The following DNAJC1 variants were observed in gnomAD, a reference collection of about 807,000 sequenced individuals.
DNAJC1 encodes the protein DnaJ heat shock protein family (Hsp40) member C1, also known as dnaJ homolog subfamily C member 1.
DNAJC1 carries 58 observed loss-of-function variants against 76.6 expected under a neutral mutation model. The ratio of observed to expected loss-of-function variants is 0.76; its 90% CI spans 0.61 to 0.94. DNAJC1 has a LOEUF of 0.94. Ranked by LOEUF, DNAJC1 falls within the 40% of genes least tolerant of loss-of-function variation. The pLI is 0.00. For missense variants in DNAJC1, 689 were observed against 677.3 expected, an observed-to-expected ratio of 1.02 and a Z score of -0.19; for synonymous variants, 258 against 267.9, an observed-to-expected ratio of 0.96 and a Z score of 0.36.
chr10:21,897,573 G>T (rs1004574935), intron 7 of DNAJC1, among the ~76,000 whole-genome samples: 1 of 152,180 alleles, frequency 6.6e-6, no homozygotes, highest in Non-Finnish European at 1.5e-5. Flanking sequence ...TGTCAGATCA[G>T]CAGTGGCATT....
chr10:21,856,072 G>C (rs1835828733), intron 8 of DNAJC1, among the ~76,000 whole-genome samples: 1 of 152,146 alleles, frequency 6.6e-6, no homozygotes, highest in African/African-American at 2.4e-5. Flanking sequence ...CAGAGACTGA[G>C]GGATGGTTGA....
At chr10:21,763,651 T>C (rs1834265690) in intron 10 of DNAJC1, among the ~76,000 whole-genome samples, 2 of 151,034 alleles carry the variant, frequency 1.3e-5, no homozygotes, top group Non-Finnish European at 2.9e-5. Flanking sequence ...GATCTTTAAA[T>C]TCAAAAACTT....
At chr10:21,766,443 T>C in intron 9 of DNAJC1, 134 bp from the exon 10 acceptor site, 1 of 681,304 alleles carries the variant, frequency 1.5e-6, no homozygotes, top group Admixed American at 2.6e-5. Flanking sequence ...CTCAGTCGTC[T>C]GTCGCATCCA....
At chr10:21,954,250 T>C (rs1254184904) in intron 1 of DNAJC1, among the ~76,000 whole-genome samples, 1 of 152,328 alleles carries the variant, frequency 6.6e-6, no homozygotes, top group East Asian at 1.9e-4. Flanking sequence ...AAGTATTTTC[T>C]CTTGCCTCTA....
chr10:21,989,763 A>G (rs1309930114), intron 1 of DNAJC1, among the ~76,000 whole-genome samples: 5 of 152,140 alleles, frequency 3.3e-5, no homozygotes, highest in Admixed American at 6.5e-5. Context: ...AATGGCCCCA[A>G]TGTAACCTCA....
chr10:21,826,236 C>A (rs1835248543), intron 8 of DNAJC1, among the ~76,000 whole-genome samples: 1 of 11,250 alleles, frequency 8.9e-5, no homozygotes, highest in Non-Finnish European at 1.5e-4. Flanking sequence ...GAGACTTTGT[C>A]CAAAAAAAAA....
At chr10:21,927,599 AAAAT>A (rs1564829718) in intron 3 of DNAJC1, among the ~76,000 whole-genome samples, 1 of 152,258 alleles carries the variant, frequency 6.6e-6, no homozygotes, top group East Asian at 1.9e-4. Context: ...ACATTTTTAA[AAAAT>A]AAATAAATAA....
At chr10:21,868,860 T>C (rs1836054497) in intron 8 of DNAJC1, among the ~76,000 whole-genome samples, 1 of 152,058 alleles carries the variant, frequency 6.6e-6, no homozygotes, top group African/African-American at 2.4e-5. Flanking sequence ...CTTTGGAGTT[T>C]AGGCACAACT....
chr10:21,883,048 G>A (rs772122017), intron 7 of DNAJC1, among the ~76,000 whole-genome samples: 11 of 151,984 alleles, frequency 7.2e-5, no homozygotes, highest in Non-Finnish European at 1.5e-5. Flanking sequence ...CCAGGAGTTC[G>A]AGACCAGCCT....
Position 21,904,569 on chromosome 10 carries a change from T to C in DNAJC1, c.773A>G (p.Lys258Arg). 6.2e-7 allele frequency: 1 copy of C among 1,608,052 alleles called. No individual in the cohort carries two copies. Among genetic ancestry groups the C allele is most frequent in the Non-Finnish European group, 8.5e-7 (1 of 1,177,450 alleles). The change falls in exon 7 of 12, where the codon AAG (lysine) becomes AGG (arginine). Residue 258 changes from lysine to arginine, a missense_variant. Coordinates refer to ENST00000376980, the MANE Select transcript of DNAJC1 (RefSeq NM_022365.4). ...FYAKYKETRL[K>R]EKEDALTRTE... ...TCTAGTCAGTGCATCTTCCTTTTCC[T>C]TCAATCTTGTTTCTTTATATTTAGC...
intron 8 of DNAJC1, among the ~76,000 whole-genome samples, chr10:21,830,754 T>C (rs534313761): frequency 6.6e-6 from 1 of 152,346 alleles, no homozygotes; most frequent in East Asian, 1.9e-4. Flanking sequence ...TCCATCCTTA[T>C]CTGTTGGTTC....
chr10:21,856,329 A>T (rs1311748457), intron 8 of DNAJC1, among the ~76,000 whole-genome samples: 1 of 152,168 alleles, frequency 6.6e-6, no homozygotes, highest in East Asian at 1.9e-4. Context: ...TAATGACTCA[A>T]AATTCATCAC....
chr10:21,823,779 G>A (rs141746020), intron 8 of DNAJC1, among the ~76,000 whole-genome samples: 4 of 151,124 alleles, frequency 2.6e-5, no homozygotes, highest in Admixed American at 2.6e-4. Flanking sequence ...AATGTTTGAA[G>A]AAAGTTTATG....
At chr10:21,924,779 G>A (rs1030085811) in intron 3 of DNAJC1, among the ~76,000 whole-genome samples, 3 of 152,160 alleles carry the variant, frequency 2.0e-5, no homozygotes, top group Admixed American at 6.5e-5. Context: ...ACATCATGGT[G>A]TACTTACACA....
intron 8 of DNAJC1, among the ~76,000 whole-genome samples, chr10:21,826,591 G>A (rs1009008923): frequency 2.6e-5 from 4 of 152,164 alleles, no homozygotes; most frequent in African/African-American, 9.7e-5. Context: ...GCAATGTCAA[G>A]AAGCTTTCCT....
chr10:21,852,470 A>T (rs1435494575), intron 8 of DNAJC1, among the ~76,000 whole-genome samples: 1 of 152,190 alleles, frequency 6.6e-6, no homozygotes, highest in Non-Finnish European at 1.5e-5. Flanking sequence ...ATTTTATGTT[A>T]TATGGATTTC....
chr10:21,922,656 AT>A (rs1001962563), intron 3 of DNAJC1, among the ~76,000 whole-genome samples: 20 of 152,020 alleles, frequency 1.3e-4, no homozygotes, highest in African/African-American at 4.3e-4. Flanking sequence ...ATAAATACTG[AT>A]TCATTTTAAA....
At chr10:21,970,412 C>A (rs1837958813) in intron 1 of DNAJC1, among the ~76,000 whole-genome samples, 1 of 151,510 alleles carries the variant, frequency 6.6e-6, no homozygotes, top group African/African-American at 2.4e-5. Context: ...TTTAAAAAAA[C>A]CAAAAAATTT....
At chr10:21,950,191 G>A (rs1169914984) in intron 1 of DNAJC1, among the ~76,000 whole-genome samples, 4 of 152,082 alleles carry the variant, frequency 2.6e-5, no homozygotes, top group African/African-American at 9.7e-5. Context: ...AGCCAATCAA[G>A]TGTATGGGTG....
Sources: gnomAD v4.1 joint callset for allele counts (sites outside exome capture counted in the v4.1 genomes callset) on GRCh38, gnomAD v4.1.1 for gene constraint, MANE v1.5 for transcripts, NCBI Gene and HGNC (gene_info 2026-07-23, HGNC 2026-07-21) for gene names.